The following COL5A2 variants were observed in gnomAD, a reference collection of about 807,000 sequenced individuals.
COL5A2 encodes collagen type V alpha 2 chain, also known as collagen alpha-2(V) chain.
COL5A2 carries 23 observed loss-of-function variants against 208.2 expected under a neutral mutation model. The ratio of observed to expected loss-of-function variants is 0.11; its 90% CI spans 0.08 to 0.16. COL5A2 has a LOEUF of 0.16. Ranked by LOEUF, COL5A2 falls within the 10% of genes least tolerant of loss-of-function variation. The pLI is 1.00. For synonymous variants in COL5A2, 625 were observed against 628.5 expected (o/e 0.99, Z 0.08); for missense variants, 1,590 against 1,956.4 (o/e 0.81, Z 3.53).
intron 52 of COL5A2, 124 bp downstream of exon 52, chr2:189,036,492 C>T (rs1327779259): frequency 2.6e-6 from 2 of 775,732 alleles, no homozygotes; most frequent in East Asian, 5.4e-5. Flanking sequence ...GACTATATCA[C>T]TTCAAAATAA....
intron 6 of COL5A2, among the ~76,000 whole-genome samples, chr2:189,093,602 A>G (rs1344965016): frequency 6.6e-6 from 1 of 152,194 alleles, no homozygotes; most frequent in African/African-American, 2.4e-5. Flanking sequence ...TACTTCTTGC[A>G]GTAGTGGGAC....
the COL5A2 span, among the ~76,000 whole-genome samples, chr2:189,235,173 C>A: frequency 6.6e-6 from 1 of 151,616 alleles, no homozygotes. Context: ...GTCTGCTATA[C>A]TGGAGAGGGC....
chr2:189,051,354 C>T lies in COL5A2; in HGVS notation c.2897G>A (p.Gly966Glu), dbSNP rs1359253796. ...RGPAGPPGGPGDKGDPGEDGQ... is the reference protein window; with the variant it reads ...RGPAGPPGGPEDKGDPGEDGQ... ...ATCTTCTCCTGGGTCCCCTTTGTCT[C>T]CTGGGCCACCAGGGGGGCCAGCTGG... Residue 966 changes from glycine (G) to glutamate (E), a missense_variant, in exon 42 of 54, where the codon GGA becomes GAA. By Grantham distance (98) the Gly-to-Glu change is moderately conservative. Coordinates refer to ENST00000374866, the MANE Select transcript of COL5A2 (RefSeq NM_000393.5). The T allele has an allele frequency of 6.2e-7, 1 of 1,614,114 alleles. No individual in the cohort carries two copies. Among genetic ancestry groups the T allele is most frequent in the South Asian group, 1.1e-5 (1 of 91,084 alleles).
rs190090302 is a variant in COL5A2, at chr2:189,086,518, A to G, written c.690+208T>C. 5.9e-5 allele frequency among the ~76,000 whole-genome samples: 9 copies of G among 152,344 alleles called. No individual in the cohort carries two copies. The East Asian group carries it at 1.5e-3, about 26-fold the overall frequency. On this transcript the variant is annotated intron_variant, in intron 9 of 53. Coordinates refer to ENST00000374866, the MANE Select transcript of COL5A2 (RefSeq NM_000393.5). ...AAGGTCAGTCACATAAAGAAATCAG[A>G]TGATAAAAATTTATCCCAATAAACT...
chr2:189,352,415 C>G, the COL5A2 span, among the ~76,000 whole-genome samples: 34 of 152,222 alleles, frequency 2.2e-4, no homozygotes, highest in Non-Finnish European at 3.8e-4. Context: ...TACACTCCCA[C>G]CAGCAGTGTA....
chr2:189,088,223 T>C (rs1394376303), intron 8 of COL5A2, among the ~76,000 whole-genome samples: 1 of 152,154 alleles, frequency 6.6e-6, no homozygotes, highest in Admixed American at 6.5e-5. Flanking sequence ...GTAAGAATAT[T>C]GAGAAGACTC....
chr2:189,241,501 G>T, the COL5A2 span, among the ~76,000 whole-genome samples: 9 of 152,212 alleles, frequency 5.9e-5, no homozygotes, highest in African/African-American at 1.9e-4. Flanking sequence ...AATTATGCCT[G>T]GGCAACGTAT....
chr2:189,078,997 G>C, intron 15 of COL5A2, 66 bp downstream of exon 15: 3 of 1,250,022 alleles, frequency 2.4e-6, no homozygotes, highest in South Asian at 1.2e-5. Flanking sequence ...AAATTCTCTT[G>C]TTGTAATCTA....
the COL5A2 span, among the ~76,000 whole-genome samples, chr2:189,364,218 C>A: frequency 6.6e-6 from 1 of 152,190 alleles, no homozygotes; most frequent in Admixed American, 6.5e-5. Flanking sequence ...GGACAAAAAT[C>A]TGTAGCTGCA....
At chr2:189,166,752 T>C (rs1688472350) in intron 1 of COL5A2, among the ~76,000 whole-genome samples, 2 of 152,180 alleles carry the variant, frequency 1.3e-5, no homozygotes, top group African/African-American at 4.8e-5. Context: ...GTCAGTTGAT[T>C]CTCGTGGCGA....
At chr2:189,279,979 A>G in the COL5A2 span, among the ~76,000 whole-genome samples, 1 of 152,058 alleles carries the variant, frequency 6.6e-6, no homozygotes, top group Non-Finnish European at 1.5e-5. Flanking sequence ...GAATAAAATT[A>G]GTGCCCTTAT....
intron 8 of COL5A2, among the ~76,000 whole-genome samples, chr2:189,087,387 CATTT>C (rs1686685561): frequency 1.3e-5 from 2 of 151,968 alleles, no homozygotes; most frequent in South Asian, 4.1e-4. Flanking sequence ...GATTTTAGAA[CATTT>C]ATTATTATAT....
At chr2:189,178,689 C>A (rs1688724439) in intron 1 of COL5A2, among the ~76,000 whole-genome samples, 1 of 139,792 alleles carries the variant, frequency 7.2e-6, no homozygotes, top group Non-Finnish European at 1.5e-5. Context: ...AAAATGTGGT[C>A]ACCAGGCAAG....
chr2:189,095,221 G>A (rs72906341), intron 6 of COL5A2: 17,373 of 152,020 alleles, frequency 0.11, 1,051 homozygotes, highest in Middle Eastern at 0.18. Context: ...CTCCCAGAAG[G>A]CTTGAGACAT....
the COL5A2 span, among the ~76,000 whole-genome samples, chr2:189,286,305 AT>A: frequency 3.0e-3 from 456 of 152,102 alleles, 3 homozygotes; most frequent in African/African-American, 9.1e-3. Flanking sequence ...AACTATAGAT[AT>A]TTTTTTCTAG....
At chr2:189,266,791 A>G in the COL5A2 span, among the ~76,000 whole-genome samples, 4 of 152,140 alleles carry the variant, frequency 2.6e-5, no homozygotes, top group Non-Finnish European at 5.9e-5. Context: ...ACCTCAAAAG[A>G]TGTTATAAAA....
At chr2:189,146,227 T>C (rs1243438283) in intron 1 of COL5A2, among the ~76,000 whole-genome samples, 1 of 152,064 alleles carries the variant, frequency 6.6e-6, no homozygotes, top group Non-Finnish European at 1.5e-5. Flanking sequence ...GATAGAATAA[T>C]TAGGGATCAA....
At chr2:189,166,028 G>A (rs1342875875) in intron 1 of COL5A2, among the ~76,000 whole-genome samples, 1 of 147,178 alleles carries the variant, frequency 6.8e-6, no homozygotes, top group African/African-American at 2.5e-5. Context: ...CATATGTTGA[G>A]AGATGTCATC....
intron 1 of COL5A2, among the ~76,000 whole-genome samples, chr2:189,147,579 C>G (rs895701000): frequency 6.6e-6 from 1 of 152,060 alleles, no homozygotes. Flanking sequence ...ATTGAATCAC[C>G]ATGGGATTTG....
Sources: allele counts gnomAD v4.1 joint callset (sites outside exome capture counted in the v4.1 genomes callset), GRCh38; gene constraint gnomAD v4.1.1; transcripts MANE v1.5; gene names NCBI Gene and HGNC (gene_info 2026-07-23, HGNC 2026-07-21).